CHD9: variants seen among roughly 807,000 people sequenced by gnomAD.
CHD9 encodes the protein ATP-dependent chromatin remodeler CHD9.
CHD9 carries 77 observed loss-of-function variants against 316.1 expected under a neutral mutation model. The ratio of observed to expected loss-of-function variants is 0.24; its 90% CI spans 0.20 to 0.29. The LOEUF (loss-of-function observed/expected upper bound fraction) is 0.29. Among genes scored for constraint, CHD9 ranks in the 10% least tolerant of loss-of-function variants. The pLI is 1.00. For missense variants in CHD9, 2,763 were observed against 3,438.1 expected (o/e 0.80, Z 4.91); for synonymous variants, 1,129 against 1,158.3 (o/e 0.97, Z 0.51).
intron 32 of CHD9, 105 bp downstream of exon 32, chr16:53,306,502 T>C (rs1020962446): frequency 2.1e-6 from 2 of 935,068 alleles, no homozygotes; most frequent in South Asian, 2.5e-5. Context: ...CAGCGTAAAA[T>C]GTAGGATGAC....
chr16:53,143,724 C>G (rs998905066), intron 1 of CHD9, among the ~76,000 whole-genome samples: 1 of 152,086 alleles, frequency 6.6e-6, no homozygotes, highest in African/African-American at 2.4e-5. Flanking sequence ...AATAAAACAC[C>G]TAAGGATTTG....
chr16:53,150,372 C>G (rs2041002297), intron 1 of CHD9, among the ~76,000 whole-genome samples: 1 of 152,152 alleles, frequency 6.6e-6, no homozygotes, highest in South Asian at 2.1e-4. Context: ...TATACACATG[C>G]TCTGCTCCTA....
intron 2 of CHD9, among the ~76,000 whole-genome samples, chr16:53,158,330 T>C (rs537201817): frequency 6.6e-6 from 1 of 152,162 alleles, no homozygotes; most frequent in South Asian, 2.1e-4. Context: ...CGATAGACCA[T>C]AGGCACTAAA....
At chr16:53,270,186 G>A (rs781549584) in intron 22 of CHD9, among the ~76,000 whole-genome samples, 137 of 116,002 alleles carry the variant, frequency 1.2e-3, no homozygotes, top group Middle Eastern at 0.011. Context: ...TTTTTTTTTA[G>A]AGGTGGAGTC....
At chr16:53,137,707 C>T (rs139500723) in intron 1 of CHD9, among the ~76,000 whole-genome samples, 15 of 152,164 alleles carry the variant, frequency 9.9e-5, no homozygotes, top group Admixed American at 3.3e-4. Flanking sequence ...TGTGAGATAA[C>T]AAATATAAAC....
At chr16:53,234,742 G>A (rs1434862603) in intron 10 of CHD9, among the ~76,000 whole-genome samples, 1 of 151,414 alleles carries the variant, frequency 6.6e-6, no homozygotes, top group Non-Finnish European at 1.5e-5. Flanking sequence ...ACACTCAGCT[G>A]ATTTTTATTT....
In CHD9 at chr16:53,289,317, G is replaced by A. The variant is rs184185368; in HGVS notation, c.5247+1303G>A. Reference sequence around the variant, plus strand: ...ACGCCTGTAATCCCAGCACTTTGGAGGGTAAGGTGGGAGGATCACTTGAGC... The same window carrying A: ...ACGCCTGTAATCCCAGCACTTTGGAAGGTAAGGTGGGAGGATCACTTGAGC... On this transcript the variant is annotated intron_variant, in intron 27 of 38. Transcript: ENST00000447540. Among the ~76,000 whole-genome samples the A allele has an allele frequency of 2.8e-3, 433 of 152,164 alleles. 3 individuals carry two copies. The highest frequency in any genetic ancestry group is 5.0e-3 in the Non-Finnish European group (339 of 68,002).
chr16:53,256,520 G>C (rs1359109641), intron 19 of CHD9, among the ~76,000 whole-genome samples: 1 of 149,204 alleles, frequency 6.7e-6, no homozygotes, highest in African/African-American at 2.5e-5. Flanking sequence ...ACGGGGTTTC[G>C]CCATGTTAGC....
rs779248393 is a variant in CHD9 at position 53,324,238 on chromosome 16, A to G, written c.8037A>G (p.Leu2679=). 1.5e-4 allele frequency: 249 copies of G among 1,613,910 alleles called. No homozygotes were observed. Among genetic ancestry groups the G allele is most frequent in the Non-Finnish European group, 1.9e-4 (230 of 1,179,902 alleles). ...CTCTTCAGGCCTTACAACAAAACCT[A>G]CAAAACTTGCAGTCACTGCAAGTAA... ...LTTLQALQQN[L]QNLQSLQVTA... is the part of the protein sequence containing the mutation. The change falls in exon 39 of 39, where the codon CTA becomes CTG. Residue 2679 remains leucine, a synonymous_variant. Coordinates refer to ENST00000447540, the MANE Select transcript of CHD9 (RefSeq NM_001308319.2).
chr16:53,250,180 C>G (rs186950244), intron 17 of CHD9, 114 bp downstream of exon 17: 2 of 663,762 alleles, frequency 3.0e-6, no homozygotes, highest in Non-Finnish European at 5.0e-6. Context: ...GTATGTTTCT[C>G]TATGAAATAT....
intron 1 of CHD9, among the ~76,000 whole-genome samples, chr16:53,058,844 G>T (rs55905085): frequency 0.28 from 42,463 of 151,948 alleles, 7,340 homozygotes; most frequent in Non-Finnish European, 0.39. Context: ...GTTTTGTTTT[G>T]TTGGTTTTTG....
At chr16:53,149,843 A>G (rs1457645360) in intron 1 of CHD9, among the ~76,000 whole-genome samples, 1 of 151,586 alleles carries the variant, frequency 6.6e-6, no homozygotes, top group Non-Finnish European at 1.5e-5. Context: ...TGTGGCAGGT[A>G]TGAGTCACCG....
chr16:53,289,306 A>G (rs919786559), intron 27 of CHD9, among the ~76,000 whole-genome samples: 3 of 152,214 alleles, frequency 2.0e-5, no homozygotes, highest in Non-Finnish European at 4.4e-5. Flanking sequence ...CTGTAATCCC[A>G]GCACTTTGGA....
intron 27 of CHD9, among the ~76,000 whole-genome samples, chr16:53,289,559 C>T (rs934182394): frequency 6.6e-6 from 1 of 152,094 alleles, no homozygotes; most frequent in Non-Finnish European, 1.5e-5. Context: ...ATAATGGATT[C>T]GTCTGGACCA....
chr16:53,196,060 C>T (rs926009722), intron 2 of CHD9, among the ~76,000 whole-genome samples: 4 of 151,904 alleles, frequency 2.6e-5, no homozygotes, highest in South Asian at 2.1e-4. Flanking sequence ...GCCCAGCCTC[C>T]GTATATCCTT....
At position 53,087,610 on chromosome 16, in the gene CHD9, T is replaced by A. The variant is rs536253590; in HGVS notation, c.-165+32533T>A. 2.6e-5 allele frequency among the ~76,000 whole-genome samples: 4 copies of A among 152,318 alleles called. No individual in the cohort carries two copies. The South Asian group carries it at 8.3e-4, about 32-fold the overall frequency. ...AGTTGTTGAAAGGATCGTTATGAGA[T>A]AATGTCATATTCCTTAGGATTCTTT... On this transcript the variant is annotated intron_variant, in intron 1 of 38. Coordinates refer to ENST00000447540, the MANE Select transcript of CHD9 (RefSeq NM_001308319.2).
intron 1 of CHD9, among the ~76,000 whole-genome samples, chr16:53,075,071 A>T (rs756550744): frequency 6.6e-6 from 1 of 152,222 alleles, no homozygotes; most frequent in Non-Finnish European, 1.5e-5. Flanking sequence ...CACCTCTTGC[A>T]TCAGTGTGAC....
At chr16:53,209,847 C>G (rs1366325846) in intron 3 of CHD9, 34 bp downstream of exon 3, 2 of 1,386,598 alleles carry the variant, frequency 1.4e-6, no homozygotes, top group Admixed American at 4.8e-5. Context: ...TAATTCCTTT[C>G]AATGTTCTGT....
At chr16:53,153,831 C>T (rs1196336699) in intron 1 of CHD9, among the ~76,000 whole-genome samples, 1 of 152,146 alleles carries the variant, frequency 6.6e-6, no homozygotes, top group East Asian at 1.9e-4. Flanking sequence ...TGAGCCACTG[C>T]ACCTTGCCAA....
Sources: gnomAD v4.1 joint callset for allele counts (sites outside exome capture counted in the v4.1 genomes callset) on GRCh38, gnomAD v4.1.1 for gene constraint, MANE v1.5 for transcripts, NCBI Gene and HGNC (gene_info 2026-07-23, HGNC 2026-07-21) for gene names.